The following GABBR2 variants were observed in gnomAD, a reference collection of about 807,000 sequenced individuals.
The protein encoded by GABBR2 is gamma-aminobutyric acid type B receptor subunit 2, also known as G-protein coupled receptor 51.
Under a neutral mutation model 105.6 loss-of-function variants are expected in GABBR2, and 23 were observed. The ratio of observed to expected loss-of-function variants is 0.22; its 90% CI spans 0.16 to 0.31. The LOEUF (loss-of-function observed/expected upper bound fraction) is 0.31, where lower values mean the gene tolerates loss of function less well. Among genes scored for constraint, GABBR2 ranks in the 10% least tolerant of loss-of-function variants. GABBR2 has a pLI of 1.00. For missense variants in GABBR2, 734 were observed against 1,245.5 expected (o/e 0.59, Z 6.18); for synonymous variants, 478 against 499.7 (o/e 0.96, Z 0.58).
At chr9:98,366,523 C>T (rs1831679284) in intron 12 of GABBR2, among the ~76,000 whole-genome samples, 1 of 152,184 alleles carries the variant, frequency 6.6e-6, no homozygotes, top group African/African-American at 2.4e-5. Context: ...GACTCTCTGG[C>T]TCTTTGCAGA....
intron 3 of GABBR2, among the ~76,000 whole-genome samples, chr9:98,513,242 T>C (rs1564099443): frequency 6.6e-6 from 1 of 151,530 alleles, no homozygotes; most frequent in Non-Finnish European, 1.5e-5. Flanking sequence ...TTACACCTTA[T>C]ACAAAAATTA....
chr9:98,671,404 G>A (rs1289915547), intron 1 of GABBR2, among the ~76,000 whole-genome samples: 1 of 152,246 alleles, frequency 6.6e-6, no homozygotes, highest in African/African-American at 2.4e-5. Context: ...GTCAGTTGAT[G>A]GACATTTAGA....
At chr9:98,313,374 C>T (rs1412267961) in intron 13 of GABBR2, among the ~76,000 whole-genome samples, 1 of 152,156 alleles carries the variant, frequency 6.6e-6, no homozygotes, top group Non-Finnish European at 1.5e-5. Context: ...TACTTCTAAG[C>T]TCTTTTAAAA....
intron 1 of GABBR2, among the ~76,000 whole-genome samples, chr9:98,637,286 G>A (rs1414954891): frequency 7.9e-5 from 12 of 152,114 alleles, no homozygotes. Flanking sequence ...TGGCTACTTT[G>A]GGAACCTTTA....
intron 3 of GABBR2, among the ~76,000 whole-genome samples, chr9:98,521,864 T>G (rs1029073709): frequency 5.9e-5 from 9 of 152,096 alleles, no homozygotes; most frequent in African/African-American, 2.2e-4. Flanking sequence ...CTATGAAAAC[T>G]TTCTGAAACA....
At chr9:98,456,243 G>T (rs1180694044) in intron 6 of GABBR2, among the ~76,000 whole-genome samples, 1 of 152,154 alleles carries the variant, frequency 6.6e-6, no homozygotes, top group Non-Finnish European at 1.5e-5. Context: ...ATCACATCAA[G>T]TTGGCTTGCA....
chr9:98,594,749 T>G (rs1829207084), intron 1 of GABBR2, among the ~76,000 whole-genome samples: 1 of 152,202 alleles, frequency 6.6e-6, no homozygotes, highest in South Asian at 2.1e-4. Context: ...CCACATCTGA[T>G]AGGGGAGCTC....
In GABBR2 at chr9:98,482,131, G is replaced by A. The variant is rs1011699675; in HGVS notation, c.733-1134C>T. 3.3e-5 allele frequency among the ~76,000 whole-genome samples: 5 copies of A among 152,340 alleles called. No individual in the cohort carries two copies. In the South Asian group the frequency reaches 6.2e-4, roughly 19 times the overall value. ...GCCTTGCAGGTGGTGCCACCTTCCT[G>A]CAGTTCATCCATCCCCTCCAGCAGG... On this transcript the variant is annotated intron_variant, in intron 4 of 18. Coordinates refer to ENST00000259455, the MANE Select transcript of GABBR2 (RefSeq NM_005458.8).
At chr9:98,708,317 T>G in intron 1 of GABBR2, 100 bp downstream of exon 1, 1 of 1,210,350 alleles carries the variant, frequency 8.3e-7, no homozygotes, top group South Asian at 2.5e-5. Context: ...CGCGGGCCGG[T>G]CAATCGGGGA....
intron 8 of GABBR2, among the ~76,000 whole-genome samples, chr9:98,396,715 G>C (rs887513293): frequency 6.6e-6 from 1 of 152,176 alleles, no homozygotes; most frequent in African/African-American, 2.4e-5. Flanking sequence ...TTGAGGCAGG[G>C]AGGCAGCGCA....
rs545047883 is a variant in GABBR2 at position 98,437,085 on chromosome 9, C to T, written c.1236+16896G>A. On this transcript the variant is annotated intron_variant, in intron 7 of 18. Transcript: ENST00000259455. ...AGGCATCAGATAAAACATGTATTTC[C>T]GTGAGTCAGATGACAAGATGAGACC... is the stretch of plus-strand genomic sequence containing the variant. 5.3e-5 allele frequency among the ~76,000 whole-genome samples: 8 copies of T among 152,192 alleles called. No homozygotes were observed. In the East Asian group the frequency reaches 1.5e-3, roughly 29 times the overall value.
rs75783235 is a variant in GABBR2 at position 98,440,109 on chromosome 9, A to G, written c.1236+13872T>C. On this transcript the variant is annotated intron_variant, in intron 7 of 18. Transcript: ENST00000259455. The stretch of plus-strand genomic sequence containing the variant: ...TGCTCCTAGGGCCAGTGACTAGCTG[A>G]TAAGAGGACACCTGGGCCCAGCCTC... Among the ~76,000 whole-genome samples the G allele has an allele frequency of 6.9e-3, 1,044 of 152,298 alleles. 21 individuals carry two copies. Among genetic ancestry groups the G allele is most frequent in the South Asian group, 0.053 (256 of 4,820 alleles).
intron 3 of GABBR2, among the ~76,000 whole-genome samples, chr9:98,536,029 G>C (rs1828172905): frequency 3.3e-5 from 5 of 152,052 alleles, no homozygotes. Context: ...GTAACAAATG[G>C]GCCACTCTGA....
intron 7 of GABBR2, among the ~76,000 whole-genome samples, chr9:98,432,282 T>C (rs545847268): frequency 1.3e-5 from 2 of 152,242 alleles, no homozygotes; most frequent in Non-Finnish European, 1.5e-5. Context: ...CCAGAATGAA[T>C]GAGCGGCAGA....
Position 98,349,344 on chromosome 9 carries a change from G to GTTTTTTTTTTTTTTTTTTTTTTTT in GABBR2, c.1893+13370_1893+13371insAAAAAAAAAAAAAAAAAAAAAAAA, listed in dbSNP as rs1564026872. The stretch of plus-strand genomic sequence containing the variant: ...TTTGGTTTGCCAATATTTTGTTGAA[G>GTTTTTTTTTTTTTTTTTTTTTTTT]TTTTGTTTTTTTTTTTTTTTTTTTT... On this transcript the variant is annotated intron_variant, in intron 13 of 18. Transcript: ENST00000259455. Among the ~76,000 whole-genome samples the GTTTTTTTTTTTTTTTTTTTTTTTT allele has an allele frequency of 6.6e-5, 7 of 105,504 alleles. 2 individuals are homozygous for GTTTTTTTTTTTTTTTTTTTTTTTT. The highest frequency in any genetic ancestry group is 1.1e-4 in the Non-Finnish European group (6 of 55,464). The allele number at this position is 105,504 out of a possible 152,430, so 69.2% of individuals were successfully genotyped here. A position where few individuals can be genotyped will look rare whatever the true frequency, so the allele number is the denominator to read the frequency against.
chr9:98,445,583 G>A (rs1056154720), intron 7 of GABBR2, among the ~76,000 whole-genome samples: 1 of 152,364 alleles, frequency 6.6e-6, no homozygotes, highest in Admixed American at 6.5e-5. Context: ...AAGAGGCCAT[G>A]CTCAGATGTG....
chr9:98,591,730 T>C (rs1156655559), intron 1 of GABBR2, among the ~76,000 whole-genome samples: 1 of 152,090 alleles, frequency 6.6e-6, no homozygotes, highest in Non-Finnish European at 1.5e-5. Context: ...CTCAGTAGTC[T>C]CCTTCATGGG....
chr9:98,489,679 G>A (rs1233476899), intron 4 of GABBR2, among the ~76,000 whole-genome samples: 5 of 151,916 alleles, frequency 3.3e-5, no homozygotes, highest in African/African-American at 9.7e-5. Context: ...TTCAGCCCCC[G>A]AGAGAGCCCA....
intron 8 of GABBR2, among the ~76,000 whole-genome samples, chr9:98,402,881 T>G (rs894523259): frequency 2.6e-5 from 4 of 152,282 alleles, no homozygotes; most frequent in Admixed American, 2.6e-4. Flanking sequence ...TGAAACCCTT[T>G]ACATTTGGAA....
Sources: gnomAD v4.1 joint callset for allele counts (sites outside exome capture counted in the v4.1 genomes callset) on GRCh38, gnomAD v4.1.1 for gene constraint, MANE v1.5 for transcripts, NCBI Gene and HGNC (gene_info 2026-07-23, HGNC 2026-07-21) for gene names.